Variants in TRABD observed in about 807,000 individuals in gnomAD.
TRABD encodes TraB domain containing.
A neutral mutation model predicts 39.6 loss-of-function variants in TRABD; 23 were observed. That is an observed-to-expected ratio of 0.58 (90% CI 0.42 to 0.82). TRABD has a LOEUF of 0.82. Ranked by LOEUF, TRABD falls within the 40% of genes least tolerant of loss-of-function variation. TRABD has a pLI of 0.00. For synonymous variants in TRABD, 243 were observed against 232.1 expected, an observed-to-expected ratio of 1.05 and a Z score of -0.43; for missense variants, 487 against 544.9, an observed-to-expected ratio of 0.89 and a Z score of 1.06.
At chr22:50,197,720 CCAAA>C in intron 7 of TRABD, 99 bp from the exon 8 acceptor site, 1 of 1,572,406 alleles carries the variant, frequency 6.4e-7, no homozygotes. Flanking sequence ...GCCACAAATC[CCAAA>C]CAAACGTGCT....
Position 50,193,020 on chromosome 22 carries a change from T to A in TRABD, c.-34-7T>A, listed in dbSNP as rs751927159. 2.6e-6 allele frequency: 4 copies of A among 1,542,812 alleles called. No homozygotes were observed. The highest frequency in any genetic ancestry group is 2.0e-5 in the Admixed American group (1 of 51,002). On this transcript the variant is annotated splice_region_variant and splice_polypyrimidine_tract_variant and intron_variant, in intron 1 of 9. Coordinates refer to ENST00000380909, the MANE Select transcript of TRABD (RefSeq NM_001320485.2). ...GTGGAAACCCCGCCTCTCATGCCTC[T>A]CCTCAGGCTCCCCACAGGTGCAGGA...
rs780725520 is a variant in TRABD, at chr22:50,198,510, G to T, written c.1122G>T (p.Arg374=). 1 of 1,562,536 alleles carries T rather than the reference G, an allele frequency of 6.4e-7. No homozygotes were observed. The part of the protein sequence containing the change: ...QYCLQRVTEA[R]HK ...GCCTGCAGAGGGTGACCGAGGCCCG[G>T]CACAAGTAGGAGACTGCTCCCCGCC... is the stretch of plus-strand genomic sequence containing the variant. Residue 374 remains arginine, a synonymous_variant, in exon 10 of 10, where the codon CGG becomes CGT. Transcript: ENST00000380909. The surrounding 1 kb of genome is among the most constrained non-coding windows in gnomAD (Gnocchi z 7.9).
chr22:50,193,768 C>A, intron 3 of TRABD, 114 bp downstream of exon 3: 1 of 1,042,624 alleles, frequency 9.6e-7, no homozygotes, highest in Non-Finnish European at 1.5e-6. Context: ...GAGCAGGGGC[C>A]CTGGCCGAGA....
chr22:50,193,894 G>T (rs1376640157), intron 3 of TRABD, among the ~76,000 whole-genome samples: 2 of 10,344 alleles, frequency 1.9e-4, no homozygotes, highest in Non-Finnish European at 1.6e-4. Context: ...CCCTGGGCAT[G>T]GGGGGCTCGT....
rs2063956193 is a variant in TRABD at position 50,192,882 on chromosome 22, G to A, written c.-34-145G>A. 5.0e-6 allele frequency: 3 copies of A among 600,392 alleles called. No individual in the cohort carries two copies. The South Asian group carries it at 7.0e-5, about 14-fold the overall frequency. 37.2% of individuals were successfully genotyped at this position (600,392 alleles called of 1,614,324 possible). The stretch of plus-strand genomic sequence containing the variant: ...ACCCTGGACCTCAGCAGCCTTTGAT[G>A]GGCAGGAGGCATTTGGGGATATGGG... On this transcript the variant is annotated intron_variant, in intron 1 of 9. Transcript: ENST00000380909.
Position 50,198,379 on chromosome 22 carries a change from C to T in TRABD, c.991C>T (p.Arg331Trp), listed in dbSNP as rs374761014. ...PPPSVSGRVSRLAVKAAFFGL... is the reference protein window; with the variant it reads ...PPPSVSGRVSWLAVKAAFFGL... ...GCCGTCCGTCTCCGGCAGAGTGTCTCGGTTGGCCGTGAAGGCCGCCTTCTT... is the reference window on the plus strand; with the variant it reads ...GCCGTCCGTCTCCGGCAGAGTGTCTTGGTTGGCCGTGAAGGCCGCCTTCTT... The change falls in exon 10 of 10, where the codon CGG becomes TGG. Residue 331 changes from arginine to tryptophan, a missense_variant. By Grantham distance (101) the Arg-to-Trp change is moderately radical (BLOSUM62 -3). This residue lies in a region of TRABD where 123 missense variants were observed against 108.3 expected (regional missense o/e 1.14). Transcript: ENST00000380909. The surrounding 1 kb of genome is among the most constrained non-coding windows in gnomAD (Gnocchi z 7.9). 1.8e-5 allele frequency: 28 copies of T among 1,590,052 alleles called. No homozygotes were observed. Among genetic ancestry groups the T allele is most frequent in the Middle Eastern group, 1.7e-4 (1 of 5,920 alleles).
rs1569089092 is a variant in TRABD at position 50,197,193 on chromosome 22, A to AACCC, written c.421-48_421-47insACCC. The AACCC allele has an allele frequency of 3.8e-6, 6 of 1,560,182 alleles. No individual in the cohort carries two copies. The African/African-American group carries it at 7.1e-5, about 19-fold the overall frequency. On this transcript the variant is annotated intron_variant, in intron 5 of 9. Transcript: ENST00000380909. ...CCCAGTTCTGCCATTCCCCCAGCGC[A>AACCC]CCCCCGCACCCGCCCCTCCAGCTGA...
chr22:50,196,343 G>A (rs957713997), intron 5 of TRABD, among the ~76,000 whole-genome samples: 1 of 152,224 alleles, frequency 6.6e-6, no homozygotes, highest in Non-Finnish European at 1.5e-5. Context: ...TCCATCAGGC[G>A]GGACATTCCC....
intron 7 of TRABD, 57 bp from the exon 8 acceptor site, chr22:50,197,766 C>CCCCCCCCCCCCCCCCGGGG: frequency 9.7e-6 from 9 of 925,772 alleles, no homozygotes; most frequent in East Asian, 2.7e-5. Flanking sequence ...CAGTGCCAGC[C>CCCCCCCCCCCCCCCCGGGG]CCACCCCCCC....
At chr22:50,188,510 C>G (rs1054831396) in intron 1 of TRABD, among the ~76,000 whole-genome samples, 6 of 152,230 alleles carry the variant, frequency 3.9e-5, no homozygotes, top group African/African-American at 1.4e-4. Flanking sequence ...GGTTGCCATG[C>G]AGCCTCCTGG....
At chr22:50,197,763 A>AGGCCCCCCCCCCCCCCCCCCCG in intron 7 of TRABD, 60 bp from the exon 8 acceptor site, 4 of 1,439,772 alleles carry the variant, frequency 2.8e-6, no homozygotes, top group Non-Finnish European at 3.9e-6. Flanking sequence ...CCACAGTGCC[A>AGGCCCCCCCCCCCCCCCCCCCG]GCCCCACCCC....
At chr22:50,189,546 G>A (rs2063839737) in intron 1 of TRABD, among the ~76,000 whole-genome samples, 1 of 152,254 alleles carries the variant, frequency 6.6e-6, no homozygotes, top group South Asian at 2.1e-4. Context: ...CCACTGCGAG[G>A]TTCCCTGGGG....
In TRABD at chr22:50,194,490, A is replaced by T; in HGVS notation, c.263A>T (p.Lys88Met). 1 of 1,586,246 alleles carries T rather than the reference A, an allele frequency of 6.3e-7. No individual in the cohort carries two copies. Residue 88 changes from lysine to methionine, a missense_variant, in exon 4 of 10, where the codon AAG becomes ATG. Around this residue, in one of 3 missense-constraint regions of TRABD, gnomAD observed 358 missense variants for 414.7 expected, o/e 0.86. Coordinates refer to ENST00000380909, the MANE Select transcript of TRABD (RefSeq NM_001320485.2). ...VGTAHFSDDS[K>M]RDVVKTIREV... ...ACAGCCCACTTCAGCGACGACAGCA[A>T]GAGGGACGTTGTGAAGGTGAGCGCC...
intron 7 of TRABD, 69 bp from the exon 8 acceptor site, chr22:50,197,754 C>A: frequency 6.3e-7 from 1 of 1,583,236 alleles, no homozygotes; most frequent in Non-Finnish European, 8.6e-7. Context: ...GCCCGGTGTC[C>A]ACAGTGCCAG....
At chr22:50,190,144 C>T (rs953467134) in intron 1 of TRABD, among the ~76,000 whole-genome samples, 7 of 152,214 alleles carry the variant, frequency 4.6e-5, no homozygotes, top group Non-Finnish European at 8.8e-5. Context: ...CCCAGAATCA[C>T]GGGCTTTAGG....
chr22:50,195,724 A>T (rs2064079977), intron 5 of TRABD, among the ~76,000 whole-genome samples: 1 of 152,004 alleles, frequency 6.6e-6, no homozygotes, highest in African/African-American at 2.4e-5. Context: ...TCAGCCTCCC[A>T]AAGTGCTGGG....
Position 50,199,182 on chromosome 22 carries a change from T to C in TRABD, c.*663T>C. 1 of 715,972 alleles carries C rather than the reference T, an allele frequency of 1.4e-6. No homozygotes were observed. The highest frequency in any genetic ancestry group is 2.6e-6 in the Non-Finnish European group (1 of 383,890). 44.4% of individuals were successfully genotyped at this position (715,972 alleles called of 1,614,324 possible). A position where few individuals can be genotyped will look rare whatever the true frequency, so the allele number is the denominator to read the frequency against. On this transcript the variant is annotated 3_prime_UTR_variant, in exon 10 of 10. Coordinates refer to ENST00000380909, the MANE Select transcript of TRABD (RefSeq NM_001320485.2). ...ATCCAAAGGGAGAGAATTCGTGTTC[T>C]TGGGTCTGTCCCGAGTGGGCTCGCG...
rs78423345 is a variant in TRABD at position 50,198,536 on chromosome 22, C to G, written c.*17C>G. ...CACAAGTAGGAGACTGCTCCCCGCC[C>G]GCTCGGGCCCCTGAGGAGCCAGTGC... On this transcript the variant is annotated 3_prime_UTR_variant, in exon 10 of 10. Coordinates refer to ENST00000380909, the MANE Select transcript of TRABD (RefSeq NM_001320485.2). The surrounding 1 kb of genome is among the most constrained non-coding windows in gnomAD (Gnocchi z 7.9). 1.3e-6 allele frequency: 2 copies of G among 1,509,632 alleles called. No homozygotes were observed. Among genetic ancestry groups the G allele is most frequent in the East Asian group, 4.7e-5 (2 of 42,482 alleles). The allele number at this position is 1,509,632 out of a possible 1,614,324, so 93.5% of individuals were successfully genotyped here. A position where few individuals can be genotyped will look rare whatever the true frequency, so the allele number is the denominator to read the frequency against.
intron 1 of TRABD, chr22:50,191,705 A>G (rs2063912327): frequency 6.6e-6 from 1 of 152,174 alleles, no homozygotes; most frequent in Non-Finnish European, 1.5e-5. Context: ...AATACCTTGC[A>G]CGACTAGACA....
Sources: gnomAD v4.1 joint callset for allele counts (sites outside exome capture counted in the v4.1 genomes callset) on GRCh38, gnomAD v4.1.1 for gene constraint, gnomAD v4.1.1 regional missense constraint, Gnocchi (gnomAD v3.1) non-coding constraint, MANE v1.5 for transcripts, NCBI Gene and HGNC (gene_info 2026-07-23, HGNC 2026-07-21) for gene names.